FSIP2: variants seen among roughly 807,000 people sequenced by gnomAD.
The protein encoded by FSIP2 is fibrous sheath interacting protein 2.
Under a neutral mutation model 510.5 loss-of-function variants are expected in FSIP2, and 367 were observed. The observed-to-expected ratio is 0.72, with a 90% CI of 0.66 to 0.78. FSIP2 has a LOEUF of 0.78. FSIP2 is among the 30% of genes least tolerant of loss of function. FSIP2 has a pLI of 0.00. For synonymous variants in FSIP2, 2,601 were observed against 2,732.2 expected, an observed-to-expected ratio of 0.95 and a Z score of 1.50; for missense variants, 7,594 against 7,901.7, an observed-to-expected ratio of 0.96 and a Z score of 1.48.
intron 8 of FSIP2, 116 bp downstream of exon 8, chr2:185,753,958 T>C (rs911933567): frequency 1.2e-5 from 8 of 643,240 alleles, no homozygotes; most frequent in Middle Eastern, 3.0e-4. Flanking sequence ...TGCCAGACAT[T>C]GTTCTAGGCA....
intron 5 of FSIP2, among the ~76,000 whole-genome samples, chr2:185,745,782 T>C (rs934794263): frequency 3.9e-5 from 6 of 152,230 alleles, no homozygotes; most frequent in South Asian, 4.1e-4. Context: ...AAACTGGTTA[T>C]TGAAAGAAAA....
Position 185,796,049 on chromosome 2 carries a change from C to T in FSIP2, c.8913C>T (p.Ile2971=). The T allele has an allele frequency of 6.5e-7, 1 of 1,532,314 alleles. No homozygotes were observed. The highest frequency in any genetic ancestry group is 2.4e-5 in the East Asian group (1 of 40,822). The allele number at this position is 1,532,314 out of a possible 1,614,324, so 94.9% of individuals were successfully genotyped here. The change falls in exon 16 of 23, where the codon ATC becomes ATT. Residue 2971 remains isoleucine, a synonymous_variant. Coordinates refer to ENST00000424728, the MANE Select transcript of FSIP2 (RefSeq NM_173651.4). ...AGCATAGCCTCAGCAGTTTACCAAT[C>T]TATAACACAAAGACAAAAGACCAAA... ...PNKHSLSSLP[I]YNTKTKDQIS... is the part of the protein sequence containing the mutation.
At chr2:185,828,091 T>A in intron 20 of FSIP2, 65 bp from the exon 21 acceptor site, 1 of 872,806 alleles carries the variant, frequency 1.1e-6, no homozygotes, top group Non-Finnish European at 1.9e-6. Flanking sequence ...TGATCAGATT[T>A]GTGTCAACAA....
chr2:185,745,139 T>C (rs6732973), intron 4 of FSIP2: 104,772 of 193,760 alleles, frequency 0.54, 28,727 homozygotes, highest in South Asian at 0.63. Context: ...TTCTAAGTAT[T>C]CTGTATTTTC....
chr2:185,743,289 A>T lies in FSIP2; in HGVS notation c.382A>T (p.Asn128Tyr). ...LKKGGYITSN[N>Y]KVVCTLRELN... ...GAAAGGTGGCTACATCACCAGCAAT[A>T]ATAAAGTGGGTTGAAAATTACTTCT... The change falls in exon 3 of 23, where the codon AAT becomes TAT. Residue 128 changes from asparagine to tyrosine, a missense_variant. Asn to Tyr is a moderately radical substitution (Grantham distance 143). Transcript: ENST00000424728. 2 of 1,489,250 alleles carry T rather than the reference A, an allele frequency of 1.3e-6. No homozygotes were observed. Among genetic ancestry groups the T allele is most frequent in the African/African-American group, 2.9e-5 (2 of 70,022 alleles). 92.3% of individuals were successfully genotyped at this position (1,489,250 alleles called of 1,614,324 possible). A position where few individuals can be genotyped will look rare whatever the true frequency, so the allele number is the denominator to read the frequency against.
upstream of FSIP2, chr2:185,738,622 A>G (rs1192700143): frequency 6.5e-7 from 1 of 1,535,974 alleles, no homozygotes; most frequent in Admixed American, 2.0e-5. Flanking sequence ...ATGGTTTCAG[A>G]GAAAGATGAA....
intron 13 of FSIP2, chr2:185,765,044 G>A (rs1459585132): frequency 6.6e-6 from 1 of 152,088 alleles, no homozygotes; most frequent in Non-Finnish European, 1.5e-5. Flanking sequence ...TTAAGGTATA[G>A]TGGATAATTT....
At chr2:185,821,082 A>AAAGAG (rs143682697) in intron 19 of FSIP2, among the ~76,000 whole-genome samples, 79,523 of 147,120 alleles carry the variant, frequency 0.54, 21,880 homozygotes, top group South Asian at 0.64. Context: ...CTAAGGAAAG[A>AAAGAG]AAGACTCAGC....
At chr2:185,739,173 GGC>G (rs1691868167) in intron 1 of FSIP2, 171 bp from the exon 2 acceptor site, 1 of 1,136,202 alleles carries the variant, frequency 8.8e-7, no homozygotes, top group Admixed American at 3.0e-5. Flanking sequence ...GCAACTGGCA[GGC>G]GCGGGACGCC....
At position 185,792,996 on chromosome 2, in the gene FSIP2, A is replaced by G; in HGVS notation, c.5860A>G (p.Ile1954Val). The G allele has an allele frequency of 2.0e-6, 3 of 1,534,392 alleles. No individual in the cohort carries two copies. Among genetic ancestry groups the G allele is most frequent in the Non-Finnish European group, 2.6e-6 (3 of 1,145,670 alleles). ...VNFTVPVALPIQQDHSTLSKA... is the reference protein window; with the variant it reads ...VNFTVPVALPVQQDHSTLSKA... Reference sequence around the variant, plus strand: ...CTTTACAGTTCCAGTGGCTTTACCTATTCAGCAAGATCACAGTACATTGAG... The same window carrying G: ...CTTTACAGTTCCAGTGGCTTTACCTGTTCAGCAAGATCACAGTACATTGAG... The change falls in exon 16 of 23, where the codon ATT becomes GTT. Residue 1954 changes from isoleucine to valine, a missense_variant. By Grantham distance (29) the Ile-to-Val change is conservative (BLOSUM62 3). Coordinates refer to ENST00000424728, the MANE Select transcript of FSIP2 (RefSeq NM_173651.4).
intron 12 of FSIP2, among the ~76,000 whole-genome samples, chr2:185,764,225 A>T (rs1470038297): frequency 2.0e-5 from 3 of 151,690 alleles, no homozygotes; most frequent in Non-Finnish European, 4.4e-5. Context: ...TGTTAGATGA[A>T]AGTACAACTA....
In FSIP2 at chr2:185,793,182, C is replaced by G; in HGVS notation, c.6046C>G (p.Gln2016Glu). The change falls in exon 16 of 23, where the codon CAG (glutamine) becomes GAG (glutamate). Residue 2016 changes from glutamine (Q) to glutamate (E), a missense_variant. Coordinates refer to ENST00000424728, the MANE Select transcript of FSIP2 (RefSeq NM_173651.4). ...TAGAAGAAATTTACAAGGAATCAAA[C>G]AGGAATTAGATAAAGAAAGGGAAAA... ...VARRNLQGIK[Q>E]ELDKERENPF... 6.5e-7 allele frequency: 1 copy of G among 1,533,916 alleles called. No individual in the cohort carries two copies. Among genetic ancestry groups the G allele is most frequent in the Non-Finnish European group, 8.7e-7 (1 of 1,145,442 alleles).
chr2:185,740,327 G>A (rs1691899625), intron 2 of FSIP2: 1 of 152,126 alleles, frequency 6.6e-6, no homozygotes, highest in Non-Finnish European at 1.5e-5. Flanking sequence ...GGATTATAGT[G>A]TGTACTTCCC....
chr2:185,763,209 T>C lies in FSIP2; in HGVS notation c.1267T>C (p.Ser423Pro). The C allele has an allele frequency of 6.7e-7, 1 of 1,498,276 alleles. No individual in the cohort carries two copies. Among genetic ancestry groups the C allele is most frequent in the Non-Finnish European group, 9.0e-7 (1 of 1,113,152 alleles). The allele number at this position is 1,498,276 out of a possible 1,614,324, so 92.8% of individuals were successfully genotyped here. A position where few individuals can be genotyped will look rare whatever the true frequency, so the allele number is the denominator to read the frequency against. Residue 423 changes from serine (S) to proline (P), a missense_variant, in exon 12 of 23, where the codon TCA (serine) becomes CCA (proline). Transcript: ENST00000424728. Reference sequence around the variant, plus strand: ...AGGTATAAATATTTCAGGCCAAGGTTCAATTATTTCAGCGCAGGTATCACC... The same window carrying C: ...AGGTATAAATATTTCAGGCCAAGGTCCAATTATTTCAGCGCAGGTATCACC... ...RGGINISGQGSIISAQVSPTR... is the reference protein window; with the variant it reads ...RGGINISGQGPIISAQVSPTR...
chr2:185,828,143 T>C lies in FSIP2; in HGVS notation c.20474-13T>C, dbSNP rs1461383608. 1 of 1,516,468 alleles carries C rather than the reference T, an allele frequency of 6.6e-7. No individual in the cohort carries two copies. Among genetic ancestry groups the C allele is most frequent in the South Asian group, 1.2e-5 (1 of 86,250 alleles). 93.9% of individuals were successfully genotyped at this position (1,516,468 alleles called of 1,614,324 possible). On this transcript the variant is annotated splice_polypyrimidine_tract_variant and intron_variant, in intron 20 of 22. Coordinates refer to ENST00000424728, the MANE Select transcript of FSIP2 (RefSeq NM_173651.4). ...AAGAGACTATTTTACTTTTTTTTTTTTAATCTCTACAGAAAGTTCTCAGGA... is the reference window on the plus strand; with the variant it reads ...AAGAGACTATTTTACTTTTTTTTTTCTAATCTCTACAGAAAGTTCTCAGGA...
Position 185,803,824 on chromosome 2 carries a change from C to T in FSIP2, c.14518C>T (p.His4840Tyr). 10 of 1,501,194 alleles carry T rather than the reference C, an allele frequency of 6.7e-6. 1 individual carries two copies. The South Asian group carries it at 1.2e-4, about 19-fold the overall frequency. The allele number at this position is 1,501,194 out of a possible 1,614,324, so 93.0% of individuals were successfully genotyped here. The change falls in exon 17 of 23, where the codon CAT becomes TAT. Residue 4840 changes from histidine to tyrosine, a missense_variant. Coordinates refer to ENST00000424728, the MANE Select transcript of FSIP2 (RefSeq NM_173651.4). ...TGAAATTATGTCAATAATTTCAAAA[C>T]ATGAAATATGTATTATTAAATATGG... ...INEIMSIISK[H>Y]EICIIKYGNK...
At chr2:185,743,094 A>T in intron 2 of FSIP2, 39 bp from the exon 3 acceptor site, 1 of 1,275,166 alleles carries the variant, frequency 7.8e-7, no homozygotes, top group South Asian at 1.7e-5. Context: ...TAAAGTGAAA[A>T]TGCATTAATT....
At chr2:185,780,484 T>C (rs908687784) in intron 13 of FSIP2, among the ~76,000 whole-genome samples, 13 of 151,524 alleles carry the variant, frequency 8.6e-5, no homozygotes, top group African/African-American at 3.1e-4. Context: ...GTATATTATA[T>C]ATATAAAATA....
Position 185,801,928 on chromosome 2 carries a change from A to G in FSIP2, c.12622A>G (p.Lys4208Glu), listed in dbSNP as rs1364980670. ...TGATAATCAATATCTATATACTGGA[A>G]AAAACCTCCAAAAGATGGTGGATTC... ...IYDNQYLYTGKNLQKMVDSVY... is the reference protein window; with the variant it reads ...IYDNQYLYTGENLQKMVDSVY... Residue 4208 changes from lysine to glutamate, a missense_variant, in exon 17 of 23, where the codon AAA becomes GAA. Lys to Glu is a moderately conservative substitution (Grantham distance 56). Coordinates refer to ENST00000424728, the MANE Select transcript of FSIP2 (RefSeq NM_173651.4). 3 of 1,516,726 alleles carry G rather than the reference A, an allele frequency of 2.0e-6. No individual in the cohort carries two copies. Among genetic ancestry groups the G allele is most frequent in the Admixed American group, 2.0e-5 (1 of 48,832 alleles). 94.0% of individuals were successfully genotyped at this position (1,516,726 alleles called of 1,614,324 possible).
Sources: gnomAD v4.1 joint callset for allele counts (sites outside exome capture counted in the v4.1 genomes callset) on GRCh38, gnomAD v4.1.1 for gene constraint, MANE v1.5 for transcripts, NCBI Gene and HGNC (gene_info 2026-07-23, HGNC 2026-07-21) for gene names.